PRR16: variants seen among roughly 807,000 people sequenced by gnomAD.
The protein encoded by PRR16 is protein Largen.
Under a neutral mutation model 18.2 loss-of-function variants are expected in PRR16, and 6 were observed. The observed-to-expected ratio is 0.33, with a 90% CI of 0.18 to 0.65. The LOEUF (loss-of-function observed/expected upper bound fraction) is 0.65, where lower values mean the gene tolerates loss of function less well. Ranked by LOEUF, PRR16 falls within the 30% of genes least tolerant of loss-of-function variation. The pLI, the probability that PRR16 is intolerant of heterozygous loss-of-function variation, is 0.74. For synonymous variants in PRR16, 151 were observed against 147.8 expected, an observed-to-expected ratio of 1.02 and a Z score of -0.16; for missense variants, 412 against 376.6, an observed-to-expected ratio of 1.09 and a Z score of -0.78.
chr5:120,577,667 CTG>C (rs1162066198), intron 1 of PRR16, among the ~76,000 whole-genome samples: 2 of 152,102 alleles, frequency 1.3e-5, no homozygotes, highest in Non-Finnish European at 2.9e-5. Flanking sequence ...ATTAACAAGA[CTG>C]TATTTCTCCG....
At chr5:120,572,852 C>A (rs951739810) in intron 1 of PRR16, among the ~76,000 whole-genome samples, 1 of 152,050 alleles carries the variant, frequency 6.6e-6, no homozygotes, top group Middle Eastern at 3.2e-3. Context: ...TTATCCACTG[C>A]TGATTGCATA....
chr5:120,491,417 C>CCCTTTCCTTT (rs200339193), intron 1 of PRR16, among the ~76,000 whole-genome samples: 9 of 131,474 alleles, frequency 6.8e-5, no homozygotes, highest in African/African-American at 8.4e-5. Flanking sequence ...AAGGCATATA[C>CCCTTTCCTTT]CCTTTCCTTT....
intron 1 of PRR16, among the ~76,000 whole-genome samples, chr5:120,641,736 C>T (rs1755428939): frequency 6.6e-6 from 1 of 152,054 alleles, no homozygotes; most frequent in Non-Finnish European, 1.5e-5. Flanking sequence ...AAAAATGTTC[C>T]AGGGACAAAT....
chr5:120,597,382 T>G, intron 1 of PRR16, among the ~76,000 whole-genome samples: 1 of 151,748 alleles, frequency 6.6e-6, no homozygotes, highest in East Asian at 1.9e-4. Context: ...CCTGTGTTTT[T>G]TCTAAAATTT....
At chr5:120,490,317 A>G (rs1749981330) in intron 1 of PRR16, among the ~76,000 whole-genome samples, 1 of 152,092 alleles carries the variant, frequency 6.6e-6, no homozygotes, top group Non-Finnish European at 1.5e-5. Flanking sequence ...GTCGTTTCAG[A>G]TAGTCCCATA....
chr5:120,488,458 G>C (rs1362659751), intron 1 of PRR16, among the ~76,000 whole-genome samples: 1 of 152,166 alleles, frequency 6.6e-6, no homozygotes, highest in African/African-American at 2.4e-5. Context: ...AGTATTCTCT[G>C]ACGGTAGTTT....
At chr5:120,698,468 G>A in the PRR16 span, among the ~76,000 whole-genome samples, 1 of 147,022 alleles carries the variant, frequency 6.8e-6, no homozygotes, top group East Asian at 1.9e-4. Flanking sequence ...GGCGGTTTGG[G>A]GATAGCACCA....
intron 1 of PRR16, among the ~76,000 whole-genome samples, chr5:120,599,150 T>G (rs1239489945): frequency 6.6e-6 from 1 of 151,856 alleles, no homozygotes; most frequent in Non-Finnish European, 1.5e-5. Flanking sequence ...TCTCTTGCCT[T>G]CTGGTTGACA....
chr5:120,569,710 G>T (rs1752846265), intron 1 of PRR16, among the ~76,000 whole-genome samples: 1 of 152,104 alleles, frequency 6.6e-6, no homozygotes, highest in South Asian at 2.1e-4. Context: ...GATCAAGGCA[G>T]GGTTCATAAA....
chr5:120,470,677 C>T (rs1749238733), intron 1 of PRR16, among the ~76,000 whole-genome samples: 1 of 152,114 alleles, frequency 6.6e-6, no homozygotes, highest in Non-Finnish European at 1.5e-5. Context: ...GTCTTACTCT[C>T]TGCCAGGTAC....
At chr5:120,535,243 A>T (rs188371352) in intron 1 of PRR16, among the ~76,000 whole-genome samples, 7 of 152,256 alleles carry the variant, frequency 4.6e-5, no homozygotes, top group South Asian at 2.1e-4. Flanking sequence ...AGATATTTTT[A>T]AAAAACTTTT....
At chr5:120,681,970 C>G (rs1256759132) in intron 1 of PRR16, among the ~76,000 whole-genome samples, 1 of 152,170 alleles carries the variant, frequency 6.6e-6, no homozygotes, top group Non-Finnish European at 1.5e-5. Context: ...TTAGAGGACA[C>G]TTCAGTTCTG....
chr5:120,661,718 G>A (rs1347817047), intron 1 of PRR16, among the ~76,000 whole-genome samples: 4 of 151,900 alleles, frequency 2.6e-5, no homozygotes, highest in Admixed American at 6.6e-5. Flanking sequence ...GCTGCTATAT[G>A]GGGCCAAGCA....
chr5:120,769,158 C>T, the PRR16 span, among the ~76,000 whole-genome samples: 1 of 151,144 alleles, frequency 6.6e-6, no homozygotes, highest in Admixed American at 6.6e-5. Context: ...TTCTTTAGTC[C>T]TCGGAACAAC....
chr5:120,705,088 AGG>A, the PRR16 span, among the ~76,000 whole-genome samples: 1 of 151,880 alleles, frequency 6.6e-6, no homozygotes, highest in Non-Finnish European at 1.5e-5. Flanking sequence ...TAAAAAAAAA[AGG>A]AGAGTACATT....
chr5:120,621,580 T>A (rs1279665463), intron 1 of PRR16, among the ~76,000 whole-genome samples: 2 of 152,104 alleles, frequency 1.3e-5, no homozygotes, highest in Non-Finnish European at 2.9e-5. Flanking sequence ...ATCCCCGTAA[T>A]CCACATGTGT....
the PRR16 span, among the ~76,000 whole-genome samples, chr5:120,701,415 T>G: frequency 6.6e-6 from 1 of 152,152 alleles, no homozygotes; most frequent in Admixed American, 6.5e-5. Flanking sequence ...ATAAAAAAGA[T>G]CCTAAACGCT....
At chr5:120,712,025 C>T in the PRR16 span, among the ~76,000 whole-genome samples, 3 of 152,132 alleles carry the variant, frequency 2.0e-5, no homozygotes, top group African/African-American at 7.2e-5. Flanking sequence ...CTCTTATTGA[C>T]AAGTTTCTGA....
intron 1 of PRR16, among the ~76,000 whole-genome samples, chr5:120,605,471 T>G (rs1054653469): frequency 6.6e-6 from 1 of 152,196 alleles, no homozygotes; most frequent in African/African-American, 2.4e-5. Flanking sequence ...TTGTCCTGTA[T>G]CTTGTTGAGC....
Sources: allele counts gnomAD v4.1 joint callset (sites outside exome capture counted in the v4.1 genomes callset), GRCh38; gene constraint gnomAD v4.1.1; transcripts MANE v1.5; gene names NCBI Gene and HGNC (gene_info 2026-07-23, HGNC 2026-07-21).